The following LRMDA variants were observed in gnomAD, a reference collection of about 807,000 sequenced individuals.
LRMDA encodes the protein leucine-rich melanocyte differentiation-associated protein.
A neutral mutation model predicts 29.8 loss-of-function variants in LRMDA; 18 were observed. The ratio of observed to expected loss-of-function variants is 0.60; its 90% confidence interval spans 0.42 to 0.90. LRMDA has a LOEUF of 0.90. LRMDA is among the 40% of genes least tolerant of loss of function. The pLI is 0.00. For missense variants in LRMDA, 273 were observed against 273.9 expected, an observed-to-expected ratio of 1.00 and a Z score of 0.02; for synonymous variants, 125 against 109.4, an observed-to-expected ratio of 1.14 and a Z score of -0.89.
chr10:75,755,181 T>A (rs529531523), intron 2 of LRMDA, among the ~76,000 whole-genome samples: 1 of 152,350 alleles, frequency 6.6e-6, no homozygotes, highest in Non-Finnish European at 1.5e-5. Context: ...TTCACTTTGC[T>A]CTGTTCTTTG....
chr10:76,103,872 A>G (rs1439292474), intron 5 of LRMDA, among the ~76,000 whole-genome samples: 1 of 151,896 alleles, frequency 6.6e-6, no homozygotes, highest in Non-Finnish European at 1.5e-5. Context: ...AAGATGATGA[A>G]ACCCTGCCTC....
At chr10:76,162,596 G>A (rs975816379) in intron 5 of LRMDA, among the ~76,000 whole-genome samples, 1 of 152,024 alleles carries the variant, frequency 6.6e-6, no homozygotes, top group African/African-American at 2.4e-5. Flanking sequence ...CAAGAGAGAG[G>A]GAGATGCTAC....
chr10:75,629,657 G>A (rs1448834200), intron 2 of LRMDA, among the ~76,000 whole-genome samples: 3 of 152,096 alleles, frequency 2.0e-5, no homozygotes, highest in Non-Finnish European at 2.9e-5. Context: ...TGATATTACA[G>A]TAATAAGTGT....
chr10:76,175,698 C>G (rs890441716), intron 5 of LRMDA, among the ~76,000 whole-genome samples: 1 of 152,204 alleles, frequency 6.6e-6, no homozygotes, highest in Non-Finnish European at 1.5e-5. Context: ...TCAGAGAAAG[C>G]TGAATTGCTG....
At chr10:76,138,626 T>C (rs1313654613) in intron 5 of LRMDA, among the ~76,000 whole-genome samples, 2 of 152,262 alleles carry the variant, frequency 1.3e-5, no homozygotes, top group South Asian at 2.1e-4. Flanking sequence ...CAGTTTTCCA[T>C]AAGGAATTGA....
At chr10:75,517,888 T>G (rs1183917456) in intron 2 of LRMDA, among the ~76,000 whole-genome samples, 2 of 152,214 alleles carry the variant, frequency 1.3e-5, no homozygotes, top group South Asian at 4.1e-4. Flanking sequence ...AATACCTAGT[T>G]TATTGAGAGT....
chr10:76,076,260 G>A (rs538035355), intron 5 of LRMDA, among the ~76,000 whole-genome samples: 80 of 147,800 alleles, frequency 5.4e-4, no homozygotes, highest in African/African-American at 1.8e-3. Flanking sequence ...GGAGAATGGC[G>A]TGAACCCAGG....
intron 2 of LRMDA, among the ~76,000 whole-genome samples, chr10:75,483,860 T>C (rs377199444): frequency 0.012 from 1,108 of 95,882 alleles, 18 homozygotes; most frequent in African/African-American, 0.04. Flanking sequence ...TTGGCTAGTA[T>C]GGAGAGGTTT....
intron 6 of LRMDA, among the ~76,000 whole-genome samples, chr10:76,471,437 GA>G (rs1842616675): frequency 6.6e-6 from 1 of 151,366 alleles, no homozygotes; most frequent in Admixed American, 6.6e-5. Flanking sequence ...AAAATATAGC[GA>G]AAAATTATTA....
chr10:76,555,187 C>T (rs1042041214), intron 6 of LRMDA, among the ~76,000 whole-genome samples: 1 of 152,058 alleles, frequency 6.6e-6, no homozygotes, highest in African/African-American at 2.4e-5. Flanking sequence ...GCCCACAGAC[C>T]AGCAGGATCC....
intron 2 of LRMDA, among the ~76,000 whole-genome samples, chr10:75,707,762 T>C (rs1335838199): frequency 6.6e-6 from 1 of 152,178 alleles, no homozygotes; most frequent in Non-Finnish European, 1.5e-5. Context: ...TCCTTGTGTC[T>C]CTATGGCCCT....
chr10:75,626,142 G>A (rs994364674), intron 2 of LRMDA, among the ~76,000 whole-genome samples: 2 of 151,988 alleles, frequency 1.3e-5, no homozygotes, highest in Non-Finnish European at 2.9e-5. Flanking sequence ...GATTACAGGT[G>A]TGAGCCACCA....
chr10:75,766,075 T>C (rs560174084), intron 2 of LRMDA, among the ~76,000 whole-genome samples: 2 of 152,320 alleles, frequency 1.3e-5, no homozygotes, highest in South Asian at 4.1e-4. Context: ...TTCTAAGTGC[T>C]TCAGGCTTCT....
intron 5 of LRMDA, among the ~76,000 whole-genome samples, chr10:76,195,244 C>G (rs1473512642): frequency 2.0e-5 from 3 of 152,220 alleles, no homozygotes; most frequent in Admixed American, 1.3e-4. Flanking sequence ...GACACAACTT[C>G]CGGTTCTGGT....
chr10:75,783,502 A>G (rs1843419801), intron 2 of LRMDA, among the ~76,000 whole-genome samples: 1 of 151,974 alleles, frequency 6.6e-6, no homozygotes, highest in South Asian at 2.1e-4. Context: ...AAAAAAAAAA[A>G]AAGTCTGAGA....
At chr10:75,661,631 T>C (rs1305385244) in intron 2 of LRMDA, among the ~76,000 whole-genome samples, 1 of 152,146 alleles carries the variant, frequency 6.6e-6, no homozygotes, top group South Asian at 2.1e-4. Flanking sequence ...TTTGGCTAGA[T>C]GAGCAATATT....
chr10:76,195,661 T>C (rs536026988), intron 5 of LRMDA, among the ~76,000 whole-genome samples: 49 of 152,268 alleles, frequency 3.2e-4, no homozygotes, highest in African/African-American at 1.2e-3. Context: ...TGAAATAAGA[T>C]AAGGGTACTA....
chr10:76,118,966 C>T (rs1256144144), intron 5 of LRMDA, among the ~76,000 whole-genome samples: 3 of 148,042 alleles, frequency 2.0e-5, no homozygotes, highest in African/African-American at 5.0e-5. Context: ...TTTCAAAGGG[C>T]GCAGGCCAAT....
intron 2 of LRMDA, among the ~76,000 whole-genome samples, chr10:76,030,339 A>AT (rs1310291352): frequency 2.0e-5 from 3 of 152,126 alleles, no homozygotes; most frequent in Non-Finnish European, 4.4e-5. Flanking sequence ...GTATATAGTA[A>AT]TATACAACAT....
Sources: allele counts gnomAD v4.1 joint callset (sites outside exome capture counted in the v4.1 genomes callset), GRCh38; gene constraint gnomAD v4.1.1; transcripts MANE v1.5; gene names NCBI Gene and HGNC (gene_info 2026-07-23, HGNC 2026-07-21).